MARCHF5: variants seen among roughly 807,000 people sequenced by gnomAD.
MARCHF5 encodes the protein membrane associated ring-CH-type finger 5, also known as E3 ubiquitin-protein ligase MARCHF5.
MARCHF5 carries 5 observed loss-of-function variants against 36.5 expected under a neutral mutation model. The ratio of observed to expected loss-of-function variants is 0.14; its 90% CI spans 0.07 to 0.29. MARCHF5 has a LOEUF of 0.29. Among genes scored for constraint, MARCHF5 ranks in the 10% least tolerant of loss-of-function variants. The pLI is 1.00. For missense variants in MARCHF5, 179 were observed against 336.3 expected (o/e 0.53, Z 3.66); for synonymous variants, 103 against 109.9 (o/e 0.94, Z 0.39).
intron 1 of MARCHF5, among the ~76,000 whole-genome samples, chr10:92,299,128 C>T (rs1842982498): frequency 6.6e-6 from 1 of 152,108 alleles, no homozygotes; most frequent in African/African-American, 2.4e-5. Context: ...GGCCTATTTA[C>T]ATTTTTTTGC....
intron 1 of MARCHF5, among the ~76,000 whole-genome samples, chr10:92,291,828 T>TCCCCTCCCCCTTC (rs199814124): frequency 1.3e-5 from 2 of 151,972 alleles, no homozygotes; most frequent in African/African-American, 4.8e-5. Flanking sequence ...CTTACCCTCT[T>TCCCCTCCCCCTTC]CCCCTCCCCC....
Position 92,351,936 on chromosome 10 carries a change from G to GTGTGTGTGTGTGTGTGTA in MARCHF5, c.*732_*733insGTGTGTGTGTGTGTATGT, listed in dbSNP as rs1182258125. On this transcript the variant is annotated 3_prime_UTR_variant, in exon 6 of 6. Coordinates refer to ENST00000358935, the MANE Select transcript of MARCHF5 (RefSeq NM_017824.5). Reference sequence around the variant, plus strand: ...TGTGTGTGTGTGTGTGTGTGTGTGTGTGTATTTGTGTGTTTCAGTGTTTCA... The same window carrying GTGTGTGTGTGTGTGTGTA: ...TGTGTGTGTGTGTGTGTGTGTGTGTGTGTGTGTGTGTGTGTGTATGTATTTGTGTGTTTCAGTGTTTCA... 2 of 149,998 alleles carry GTGTGTGTGTGTGTGTGTA rather than the reference G, an allele frequency of 1.3e-5. No homozygotes were observed. Among genetic ancestry groups the GTGTGTGTGTGTGTGTGTA allele is most frequent in the Non-Finnish European group, 3.0e-5 (2 of 67,660 alleles). 9.3% of individuals were successfully genotyped at this position (149,998 alleles called of 1,614,324 possible).
intron 2 of MARCHF5, among the ~76,000 whole-genome samples, chr10:92,326,152 C>T (rs556808452): frequency 4.3e-4 from 65 of 152,166 alleles, no homozygotes; most frequent in African/African-American, 1.5e-3. Flanking sequence ...GAGAAACCTT[C>T]CTAGAGAATC....
At chr10:92,347,513 G>GATA (rs1564954918) in intron 3 of MARCHF5, among the ~76,000 whole-genome samples, 3 of 37,386 alleles carry the variant, frequency 8.0e-5, no homozygotes, top group Middle Eastern at 0.015. Flanking sequence ...TAGATAGATA[G>GATA]ATAGATAGAT....
chr10:92,349,066 A>T (rs756244996), intron 3 of MARCHF5, among the ~76,000 whole-genome samples: 32 of 152,148 alleles, frequency 2.1e-4, no homozygotes, highest in Admixed American at 3.9e-4. Flanking sequence ...AGAAGCAACA[A>T]TCAGAGGTCC....
chr10:92,293,709 G>A (rs1489499103), intron 1 of MARCHF5, among the ~76,000 whole-genome samples: 3 of 151,944 alleles, frequency 2.0e-5, no homozygotes, highest in Admixed American at 6.6e-5. Flanking sequence ...TTGAACCTGG[G>A]AGACGGAGGT....
At chr10:92,315,596 A>G (rs1231336792) in intron 2 of MARCHF5, among the ~76,000 whole-genome samples, 1 of 152,208 alleles carries the variant, frequency 6.6e-6, no homozygotes, top group Non-Finnish European at 1.5e-5. Context: ...GTCTCCTAGT[A>G]CAGTGTTATC....
Position 92,317,809 on chromosome 10 carries a change from G to A in MARCHF5, c.238+6472G>A, listed in dbSNP as rs561079218. On this transcript the variant is annotated intron_variant, in intron 2 of 5. Coordinates refer to ENST00000358935, the MANE Select transcript of MARCHF5 (RefSeq NM_017824.5). The stretch of plus-strand genomic sequence containing the variant: ...TCTGTTGCCCAGGCTGGAGTACAGC[G>A]CCATGATCTCAGCTCACTGCAACCT... 2.4e-4 allele frequency among the ~76,000 whole-genome samples: 36 copies of A among 149,964 alleles called. 1 individual carries two copies. Among genetic ancestry groups the A allele is most frequent in the African/African-American group, 7.4e-4 (30 of 40,632 alleles).
rs1425546060 is a variant in MARCHF5 at position 92,352,707 on chromosome 10, A to G, written c.*1500A>G. 5.2e-5 allele frequency: 8 copies of G among 152,582 alleles called. No individual in the cohort carries two copies. The highest frequency in any genetic ancestry group is 1.2e-4 in the Non-Finnish European group (8 of 68,030). The allele number at this position is 152,582 out of a possible 1,614,324, so 9.5% of individuals were successfully genotyped here. A position where few individuals can be genotyped will look rare whatever the true frequency, so the allele number is the denominator to read the frequency against. On this transcript the variant is annotated 3_prime_UTR_variant, in exon 6 of 6. Coordinates refer to ENST00000358935, the MANE Select transcript of MARCHF5 (RefSeq NM_017824.5). ...CTTTAGTAATTAAAGACTGGTTTCT[A>G]TAGTATGAATGTCTTAATTTTGAGT...
chr10:92,319,759 A>G (rs1466772593), intron 2 of MARCHF5, among the ~76,000 whole-genome samples: 3 of 146,326 alleles, frequency 2.1e-5, no homozygotes, highest in Middle Eastern at 3.8e-3. Context: ...GGTTGAAGCA[A>G]TTCTCCTGCC....
At chr10:92,307,208 TGTGTGCGC>T (rs761687348) in intron 1 of MARCHF5, among the ~76,000 whole-genome samples, 23 of 131,594 alleles carry the variant, frequency 1.7e-4, no homozygotes, top group South Asian at 1.5e-3. Context: ...TGTGTGTGTG[TGTGTGCGC>T]GTGCATGCAC....
intron 3 of MARCHF5, among the ~76,000 whole-genome samples, chr10:92,343,519 C>A (rs996207377): frequency 6.6e-6 from 1 of 152,196 alleles, no homozygotes; most frequent in African/African-American, 2.4e-5. Context: ...GTTACAGCAT[C>A]TACATAGAAA....
In MARCHF5 at chr10:92,291,336, C is replaced by T; in HGVS notation, c.-159C>T. Reference sequence around the variant, plus strand: ...CCGGACTCCCGCAGGCCCTGCACCGCCGCCGCCAGGCTAGCGGAGCTGCCC... The same window carrying T: ...CCGGACTCCCGCAGGCCCTGCACCGTCGCCGCCAGGCTAGCGGAGCTGCCC... On this transcript the variant is annotated 5_prime_UTR_variant, in exon 1 of 6. Transcript: ENST00000358935. 2.9e-6 allele frequency: 2 copies of T among 684,428 alleles called. No individual in the cohort carries two copies. The highest frequency in any genetic ancestry group is 5.1e-6 in the Non-Finnish European group (2 of 395,048). The allele number at this position is 684,428 out of a possible 1,614,324, so 42.4% of individuals were successfully genotyped here.
chr10:92,328,865 C>T (rs1254577399), intron 2 of MARCHF5, among the ~76,000 whole-genome samples: 2 of 133,898 alleles, frequency 1.5e-5, no homozygotes, highest in Non-Finnish European at 3.2e-5. Flanking sequence ...AGTTTGTGTG[C>T]TTCTTATTGC....
intron 2 of MARCHF5, among the ~76,000 whole-genome samples, chr10:92,330,083 T>TA: frequency 6.6e-6 from 1 of 152,310 alleles, no homozygotes; most frequent in East Asian, 1.9e-4. Context: ...CCTCAGGTGA[T>TA]TCACCCGCCT....
chr10:92,346,728 C>CTCAGGA (rs1286145501), intron 3 of MARCHF5, among the ~76,000 whole-genome samples: 4 of 151,966 alleles, frequency 2.6e-5, no homozygotes, highest in Admixed American at 2.0e-4. Context: ...GGTGATCCGC[C>CTCAGGA]TGCCTCAGCC....
At chr10:92,327,717 A>G (rs1164469640) in intron 2 of MARCHF5, among the ~76,000 whole-genome samples, 1 of 152,216 alleles carries the variant, frequency 6.6e-6, no homozygotes, top group Non-Finnish European at 1.5e-5. Context: ...CTTAGCATTG[A>G]CCAAAGCTCA....
chr10:92,308,539 C>G (rs945849594), intron 1 of MARCHF5: 1 of 152,262 alleles, frequency 6.6e-6, no homozygotes. Flanking sequence ...TCAATCAAGA[C>G]GGAGTTGCTC....
At position 92,351,283 on chromosome 10, in the gene MARCHF5, A is replaced by G. The variant is rs777951506; in HGVS notation, c.*76A>G. 2.4e-4 allele frequency: 202 copies of G among 826,328 alleles called. No individual in the cohort carries two copies. Among genetic ancestry groups the G allele is most frequent in the Middle Eastern group, 1.5e-3 (6 of 3,942 alleles). 51.2% of individuals were successfully genotyped at this position (826,328 alleles called of 1,614,324 possible). On this transcript the variant is annotated 3_prime_UTR_variant, in exon 6 of 6. Transcript: ENST00000358935. ...GTTGTTTTGATTCCATCATTAATGC[A>G]CTTGTGGAGACTTGTGATAAGCTGC...
Sources: allele counts gnomAD v4.1 joint callset (sites outside exome capture counted in the v4.1 genomes callset), GRCh38; gene constraint gnomAD v4.1.1; transcripts MANE v1.5; gene names NCBI Gene and HGNC (gene_info 2026-07-23, HGNC 2026-07-21).